PRPF31: variants seen among roughly 807,000 people sequenced by gnomAD.
The protein encoded by PRPF31 is U4/U6 small nuclear ribonucleoprotein Prp31.
Under a neutral mutation model 60.4 loss-of-function variants are expected in PRPF31, and 12 were observed. The ratio of observed to expected loss-of-function variants is 0.20; its 90% confidence interval spans 0.13 to 0.32. The LOEUF (loss-of-function observed/expected upper bound fraction) is 0.32, where lower values mean the gene tolerates loss of function less well. PRPF31 is among the 10% of genes least tolerant of loss of function. The pLI, the probability that PRPF31 is intolerant of heterozygous loss-of-function variation, is 1.00. For synonymous variants in PRPF31, 287 were observed against 287.9 expected, an observed-to-expected ratio of 1.00 and a Z score of 0.03; for missense variants, 431 against 687.1, an observed-to-expected ratio of 0.63 and a Z score of 4.17.
At chr19:54,119,251 G>A (rs747779467) in intron 3 of PRPF31, among the ~76,000 whole-genome samples, 12 of 151,854 alleles carry the variant, frequency 7.9e-5, no homozygotes, top group African/African-American at 2.2e-4. Flanking sequence ...GCGTGGTGGC[G>A]GGTGCCTGTA....
At chr19:54,122,038 A>C in intron 4 of PRPF31, 95 bp downstream of exon 4, 1 of 1,321,318 alleles carries the variant, frequency 7.6e-7, no homozygotes, top group Non-Finnish European at 1.1e-6. Flanking sequence ...CCTGCCCCTA[A>C]GCCCAAGCTC....
chr19:54,126,489 G>A (rs1288410089), intron 8 of PRPF31, 39 bp from the exon 9 acceptor site: 1 of 1,590,506 alleles, frequency 6.3e-7, no homozygotes, highest in Non-Finnish European at 8.6e-7. Context: ...CTGTCTGTCT[G>A]TCTCACACAG....
At chr19:54,130,152 G>C (rs1224526630) in intron 13 of PRPF31, among the ~76,000 whole-genome samples, 2 of 119,210 alleles carry the variant, frequency 1.7e-5, no homozygotes, top group Non-Finnish European at 3.6e-5. Flanking sequence ...AAGATGTCCA[G>C]TGTAGGAGAA....
At chr19:54,129,549 C>T (rs1320264321) in intron 13 of PRPF31, among the ~76,000 whole-genome samples, 179 bp downstream of exon 13, 4 of 148,638 alleles carry the variant, frequency 2.7e-5, no homozygotes, top group Admixed American at 6.9e-5. Flanking sequence ...TTAGCAGAGA[C>T]GAGAGCCCAG....
chr19:54,118,106 C>T, intron 1 of PRPF31, 165 bp from the exon 2 acceptor site: 1 of 960,864 alleles, frequency 1.0e-6, no homozygotes, highest in South Asian at 1.4e-5. Context: ...GAGCTGGAGA[C>T]TCGCCAGTGA....
chr19:54,126,235 C>T (rs1222254664), intron 8 of PRPF31, among the ~76,000 whole-genome samples: 4 of 152,188 alleles, frequency 2.6e-5, no homozygotes, highest in Admixed American at 6.5e-5. Flanking sequence ...GCATCCAGGC[C>T]GAGTGCACTC....
At chr19:54,130,604 G>T (rs1255786668) in intron 13 of PRPF31, among the ~76,000 whole-genome samples, 1 of 150,836 alleles carries the variant, frequency 6.6e-6, no homozygotes, top group East Asian at 2.0e-4. Context: ...CAGCCTGGGC[G>T]ACAGAGCCAG....
Position 54,125,177 on chromosome 19 carries a change from C to T in PRPF31, c.855+521C>T, listed in dbSNP as rs587748863. On this transcript the variant is annotated intron_variant, in intron 8 of 13. Coordinates refer to ENST00000321030, the MANE Select transcript of PRPF31 (RefSeq NM_015629.4). Reference sequence around the variant, plus strand: ...TCGGGACACATCACCATCCCAGCATCGACGCCTGACAGCACACACACAGGC... The same window carrying T: ...TCGGGACACATCACCATCCCAGCATTGACGCCTGACAGCACACACACAGGC... 3.8e-5 allele frequency: 7 copies of T among 186,606 alleles called. No individual in the cohort carries two copies. In the East Asian group the frequency reaches 7.5e-4, roughly 20 times the overall value. 11.6% of individuals were successfully genotyped at this position (186,606 alleles called of 1,614,324 possible).
At chr19:54,128,284 C>CGGGG in intron 10 of PRPF31, 21 bp from the exon 11 acceptor site, 1 of 1,547,550 alleles carries the variant, frequency 6.5e-7, no homozygotes. Context: ...TCCCTGGCGC[C>CGGGG]GCCCACCCAC....
At position 54,131,385 on chromosome 19, in the gene PRPF31, G is replaced by C; in HGVS notation, c.1453G>C (p.Glu485Gln). The change falls in exon 14 of 14, where the codon GAG becomes CAG. Residue 485 changes from glutamate (E) to glutamine (Q), a missense_variant. Glu to Gln is a conservative substitution (Grantham distance 29, BLOSUM62 2). Around this residue, in one of 4 missense-constraint regions of PRPF31, gnomAD observed 314 missense variants for 475.3 expected, o/e 0.66. Coordinates refer to ENST00000321030, the MANE Select transcript of PRPF31 (RefSeq NM_015629.4). ...CCAGAAGTATTTCTCCAGCATGGCTGAGTTCCTCAAGGTCAAGGGCGAGAA... is the reference window on the plus strand; with the variant it reads ...CCAGAAGTATTTCTCCAGCATGGCTCAGTTCCTCAAGGTCAAGGGCGAGAA... ...ANQKYFSSMA[E>Q]FLKVKGEKSG... is the part of the protein sequence containing the mutation. The C allele has an allele frequency of 6.2e-7, 1 of 1,614,150 alleles. No homozygotes were observed.
chr19:54,119,041 T>C (rs1315184439), intron 3 of PRPF31, among the ~76,000 whole-genome samples: 1 of 152,044 alleles, frequency 6.6e-6, no homozygotes, highest in Admixed American at 6.6e-5. Context: ...ACTGGTATCA[T>C]TTGGCAAAGA....
At chr19:54,118,097 A>G in intron 1 of PRPF31, 174 bp from the exon 2 acceptor site, 1 of 877,804 alleles carries the variant, frequency 1.1e-6, no homozygotes, top group Non-Finnish European at 1.9e-6. Flanking sequence ...CACAGGTCGG[A>G]GCTGGAGACT....
chr19:54,129,334 G>A lies in PRPF31; in HGVS notation c.1338G>A (p.Ser446=), dbSNP rs1267912191. 9 of 1,604,434 alleles carry A rather than the reference G, an allele frequency of 5.6e-6. No homozygotes were observed. The highest frequency in any genetic ancestry group is 1.1e-5 in the South Asian group (1 of 89,786). ...AGTCCACCATCCGCGACCGCTCCTC[G>A]GGCACGGCCTCCAGCGTGGCCTTCA... is the stretch of plus-strand genomic sequence containing the variant. The part of the protein sequence containing the change: ...GGKSTIRDRS[S]GTASSVAFTP... The change falls in exon 13 of 14, where the codon TCG becomes TCA. Residue 446 remains serine (S), a synonymous_variant. Coordinates refer to ENST00000321030, the MANE Select transcript of PRPF31 (RefSeq NM_015629.4).
intron 3 of PRPF31, chr19:54,118,922 A>G: frequency 4.0e-6 from 2 of 499,090 alleles, no homozygotes. Context: ...GGTTTTTGCC[A>G]CATCTATAAG....
chr19:54,128,276 C>T lies in PRPF31; in HGVS notation c.1074-29C>T, dbSNP rs769551228. The T allele has an allele frequency of 5.8e-6, 9 of 1,551,548 alleles. No individual in the cohort carries two copies. The East Asian group carries it at 7.2e-5, about 12-fold the overall frequency. On this transcript the variant is annotated intron_variant, in intron 10 of 13. Transcript: ENST00000321030. ...CCGGCGTCCTCCTCCCAGCCGACTC[C>T]CTGGCGCCGCCCACCCACCCGTCCC...
intron 13 of PRPF31, among the ~76,000 whole-genome samples, chr19:54,130,990 C>T (rs1267642638): frequency 1.3e-5 from 2 of 152,184 alleles, no homozygotes; most frequent in East Asian, 3.9e-4. Context: ...GCTAGGACCT[C>T]GGGCCAGCCA....
chr19:54,131,097 A>G (rs2074038703), intron 13 of PRPF31, among the ~76,000 whole-genome samples: 1 of 152,136 alleles, frequency 6.6e-6, no homozygotes, highest in Non-Finnish European at 1.5e-5. Flanking sequence ...AACTTCGTAC[A>G]AATCCAGGCG....
intron 4 of PRPF31, 107 bp downstream of exon 4, chr19:54,122,050 G>T (rs2073804726): frequency 1.2e-5 from 14 of 1,198,726 alleles, no homozygotes; most frequent in Non-Finnish European, 1.4e-5. Context: ...CCCAAGCTCA[G>T]ATCGAGGTTG....
chr19:54,118,756 T>G (rs2073714713), intron 3 of PRPF31, 123 bp downstream of exon 3: 4 of 949,650 alleles, frequency 4.2e-6, no homozygotes, highest in Non-Finnish European at 6.5e-6. Context: ...TTCTTTTTTT[T>G]TTGTTTCACC....
Sources: gnomAD v4.1 joint callset for allele counts (sites outside exome capture counted in the v4.1 genomes callset) on GRCh38, gnomAD v4.1.1 for gene constraint, gnomAD v4.1.1 regional missense constraint, MANE v1.5 for transcripts, NCBI Gene and HGNC (gene_info 2026-07-23, HGNC 2026-07-21) for gene names.